The following CRADD variants were observed in gnomAD, a reference collection of about 807,000 sequenced individuals.
CRADD encodes death domain-containing protein CRADD.
In CRADD, 9 loss-of-function variants were observed where a neutral mutation model predicts 15.5. The observed-to-expected ratio is 0.58, with a 90% CI of 0.35 to 1.01. CRADD has a LOEUF of 1.01. Ranked by LOEUF, CRADD falls within the 50% of genes least tolerant of loss-of-function variation. CRADD has a pLI of 0.02. For missense variants in CRADD, 227 were observed against 250.3 expected (o/e 0.91, Z 0.63); for synonymous variants, 118 against 107.6 (o/e 1.10, Z -0.60).
intron 2 of CRADD, among the ~76,000 whole-genome samples, chr12:93,882,414 C>G (rs1047132709): frequency 7.9e-6 from 1 of 125,828 alleles, no homozygotes; most frequent in African/African-American, 3.2e-5. Flanking sequence ...GAGCGAGACT[C>G]TGTCTCAAAA....
chr12:93,768,176 C>A (rs900631560), intron 2 of CRADD, among the ~76,000 whole-genome samples: 1 of 152,072 alleles, frequency 6.6e-6, no homozygotes. Context: ...GTTGTTGCCA[C>A]TAAAATTAGG....
At chr12:93,739,138 G>T (rs994156464) in intron 2 of CRADD, among the ~76,000 whole-genome samples, 1 of 152,168 alleles carries the variant, frequency 6.6e-6, no homozygotes, top group Non-Finnish European at 1.5e-5. Flanking sequence ...CTTGGCAGTG[G>T]TCAGGGGATA....
chr12:93,722,653 A>G (rs1244066717), intron 2 of CRADD, among the ~76,000 whole-genome samples: 7 of 151,848 alleles, frequency 4.6e-5, no homozygotes, highest in African/African-American at 7.3e-5. Flanking sequence ...TTTCTGTTAC[A>G]GTGTTTTTGA....
chr12:93,684,285 A>G (rs1429599933), intron 2 of CRADD, among the ~76,000 whole-genome samples: 1 of 152,152 alleles, frequency 6.6e-6, no homozygotes, highest in African/African-American at 2.4e-5. Flanking sequence ...GTTGGGGGGA[A>G]TGATGGTTTC....
chr12:93,719,705 G>A (rs1398575641), intron 2 of CRADD, among the ~76,000 whole-genome samples: 2 of 152,080 alleles, frequency 1.3e-5, no homozygotes, highest in Non-Finnish European at 2.9e-5. Flanking sequence ...TCCTTTTCAG[G>A]TATGTTATCA....
intron 2 of CRADD, among the ~76,000 whole-genome samples, chr12:93,844,220 A>G (rs1958085629): frequency 6.6e-6 from 1 of 152,214 alleles, no homozygotes; most frequent in Non-Finnish European, 1.5e-5. Flanking sequence ...AGCTTTGAGA[A>G]GTAGTAGCCA....
chr12:93,840,097 A>G (rs530700439), intron 2 of CRADD, among the ~76,000 whole-genome samples: 2 of 152,130 alleles, frequency 1.3e-5, no homozygotes, highest in African/African-American at 2.4e-5. Flanking sequence ...GTAATTAGCT[A>G]GTTCTCCTCA....
chr12:93,701,614 GAA>G (rs976417791), intron 2 of CRADD, among the ~76,000 whole-genome samples: 3 of 152,220 alleles, frequency 2.0e-5, no homozygotes, highest in African/African-American at 4.8e-5. Context: ...CTTCTGGGAA[GAA>G]AAGAGTTTCT....
chr12:93,723,945 T>C (rs921122573), intron 2 of CRADD, among the ~76,000 whole-genome samples: 3 of 152,072 alleles, frequency 2.0e-5, no homozygotes, highest in African/African-American at 7.3e-5. Context: ...TGTGGGAAAA[T>C]CCACTGTCAG....
intron 2 of CRADD, among the ~76,000 whole-genome samples, chr12:93,682,076 T>C (rs1955322422): frequency 6.6e-6 from 1 of 152,178 alleles, no homozygotes; most frequent in Non-Finnish European, 1.5e-5. Context: ...TAAATTGGGA[T>C]TTACTGAATT....
chr12:93,792,803 G>T (rs535482892), intron 2 of CRADD, among the ~76,000 whole-genome samples: 1 of 152,252 alleles, frequency 6.6e-6, no homozygotes, highest in East Asian at 1.9e-4. Flanking sequence ...GCAAAGCCTT[G>T]ATTTGAACCT....
At chr12:93,848,497 T>C (rs1215127746) in intron 2 of CRADD, among the ~76,000 whole-genome samples, 1 of 152,188 alleles carries the variant, frequency 6.6e-6, no homozygotes, top group Non-Finnish European at 1.5e-5. Context: ...GATGGGAGTA[T>C]AGTGTACTGT....
At chr12:93,696,158 T>C (rs11107162) in intron 2 of CRADD, among the ~76,000 whole-genome samples, 24,438 of 152,152 alleles carry the variant, frequency 0.16, 3,845 homozygotes, top group African/African-American at 0.41. Flanking sequence ...ATCAGTATAG[T>C]CATTATGGAA....
At chr12:93,735,124 G>A (rs1179853300) in intron 2 of CRADD, among the ~76,000 whole-genome samples, 1 of 152,042 alleles carries the variant, frequency 6.6e-6, no homozygotes, top group African/African-American at 2.4e-5. Flanking sequence ...CCTCCTGTAG[G>A]CCCTCCAAAA....
chr12:93,796,133 T>C (rs1957414138), intron 2 of CRADD, among the ~76,000 whole-genome samples: 1 of 152,220 alleles, frequency 6.6e-6, no homozygotes. Context: ...GGTTTTTTTT[T>C]CAAGGACTTT....
At chr12:93,692,163 T>C (rs1328719990) in intron 2 of CRADD, among the ~76,000 whole-genome samples, 1 of 152,016 alleles carries the variant, frequency 6.6e-6, no homozygotes, top group Non-Finnish European at 1.5e-5. Context: ...CTTGAAGACA[T>C]TATTTAAAAT....
chr12:93,741,027 G>T (rs148933236), intron 2 of CRADD, among the ~76,000 whole-genome samples: 1 of 152,048 alleles, frequency 6.6e-6, no homozygotes, highest in Non-Finnish European at 1.5e-5. Context: ...TTTCCTGAAG[G>T]CCAGCTATTA....
intron 2 of CRADD, among the ~76,000 whole-genome samples, chr12:93,696,152 G>A (rs1473319896): frequency 6.6e-6 from 1 of 152,194 alleles, no homozygotes; most frequent in Non-Finnish European, 1.5e-5. Flanking sequence ...ATGTGAATCA[G>A]TATAGTCATT....
chr12:93,827,203 T>C (rs1323547970), intron 2 of CRADD, among the ~76,000 whole-genome samples: 3 of 152,214 alleles, frequency 2.0e-5, no homozygotes, highest in Non-Finnish European at 4.4e-5. Context: ...AGTTTTCTCA[T>C]GTCCCTCTAT....
Sources: gnomAD v4.1 joint callset for allele counts (sites outside exome capture counted in the v4.1 genomes callset) on GRCh38, gnomAD v4.1.1 for gene constraint, MANE v1.5 for transcripts, NCBI Gene and HGNC (gene_info 2026-07-23, HGNC 2026-07-21) for gene names.